The following MSRA variants were observed in gnomAD, a reference collection of about 807,000 sequenced individuals.
The protein encoded by MSRA is mitochondrial peptide methionine sulfoxide reductase.
In MSRA, 54 loss-of-function variants were observed where a neutral mutation model predicts 31.3. That is an observed-to-expected ratio of 1.73 (90% CI 1.39 to 2.17). The LOEUF (loss-of-function observed/expected upper bound fraction) is 2.17. Among genes scored for constraint, MSRA ranks in the 30% most tolerant of loss-of-function variants. The pLI, the probability that MSRA is intolerant of heterozygous loss-of-function variation, is 0.00. For synonymous variants in MSRA, 169 were observed against 116.5 expected, an observed-to-expected ratio of 1.45 and a Z score of -2.90; for missense variants, 507 against 300.9, an observed-to-expected ratio of 1.69 and a Z score of -5.07.
chr8:10,124,670 T>C (rs1801373983), intron 1 of MSRA, among the ~76,000 whole-genome samples: 1 of 152,226 alleles, frequency 6.6e-6, no homozygotes, highest in Admixed American at 6.5e-5. Context: ...ATAGTATGCC[T>C]TGCCATTTCA....
At chr8:10,328,688 T>C (rs142937044) in intron 5 of MSRA, among the ~76,000 whole-genome samples, 9 of 152,338 alleles carry the variant, frequency 5.9e-5, no homozygotes, top group Non-Finnish European at 1.3e-4. Context: ...CTGTAACTTC[T>C]AATCAGAGAG....
chr8:10,372,214 T>G (rs1341713197), intron 5 of MSRA, among the ~76,000 whole-genome samples: 1 of 152,178 alleles, frequency 6.6e-6, no homozygotes, highest in African/African-American at 2.4e-5. Flanking sequence ...TGGGTGTCAT[T>G]GGCCCTGCTG....
chr8:10,274,869 A>G (rs969943832), intron 3 of MSRA, among the ~76,000 whole-genome samples: 1 of 152,088 alleles, frequency 6.6e-6, no homozygotes, highest in Non-Finnish European at 1.5e-5. Context: ...CTACCCACCC[A>G]TTCAGCCAAC....
At chr8:10,398,006 A>G (rs947087412) in intron 5 of MSRA, among the ~76,000 whole-genome samples, 1 of 152,230 alleles carries the variant, frequency 6.6e-6, no homozygotes, top group African/African-American at 2.4e-5. Flanking sequence ...GCATTGATTC[A>G]GCACAAGTAA....
intron 5 of MSRA, among the ~76,000 whole-genome samples, chr8:10,425,074 C>T (rs1809057964): frequency 6.6e-6 from 1 of 152,192 alleles, no homozygotes; most frequent in South Asian, 2.1e-4. Flanking sequence ...ATGTGACCTT[C>T]CGTGGTCCCT....
intron 3 of MSRA, among the ~76,000 whole-genome samples, chr8:10,254,153 G>T (rs948474957): frequency 6.6e-6 from 1 of 152,108 alleles, no homozygotes; most frequent in South Asian, 2.1e-4. Flanking sequence ...GTCTCTCAGG[G>T]AATGCCGAGG....
chr8:10,128,237 G>T (rs1020521646), intron 1 of MSRA, among the ~76,000 whole-genome samples: 13 of 152,214 alleles, frequency 8.5e-5, no homozygotes, highest in African/African-American at 3.1e-4. Flanking sequence ...ACATTAGCCA[G>T]GCGTGGTGGT....
intron 1 of MSRA, among the ~76,000 whole-genome samples, chr8:10,130,963 T>C (rs756113950): frequency 1.3e-5 from 2 of 152,184 alleles, no homozygotes; most frequent in Non-Finnish European, 2.9e-5. Context: ...CAGTGTGCTT[T>C]TATTAGCAAG....
chr8:10,283,143 C>CAG (rs1799714678), intron 3 of MSRA, among the ~76,000 whole-genome samples: 1 of 143,828 alleles, frequency 7.0e-6, no homozygotes, highest in South Asian at 2.3e-4. Flanking sequence ...CACACACACA[C>CAG]ACACACACAC....
At chr8:10,274,462 G>T (rs1407336631) in intron 3 of MSRA, among the ~76,000 whole-genome samples, 1 of 152,114 alleles carries the variant, frequency 6.6e-6, no homozygotes, top group Non-Finnish European at 1.5e-5. Flanking sequence ...TGAAGCTGAG[G>T]CTAGGGTGAT....
At chr8:10,169,227 G>A (rs1585081478) in intron 1 of MSRA, among the ~76,000 whole-genome samples, 1 of 152,172 alleles carries the variant, frequency 6.6e-6, no homozygotes, top group African/African-American at 2.4e-5. Flanking sequence ...GCCAGCTGAA[G>A]AATTTACACA....
intron 3 of MSRA, chr8:10,250,406 T>A: frequency 1.4e-6 from 1 of 702,258 alleles, no homozygotes; most frequent in Non-Finnish European, 2.6e-6. Context: ...TAATATCTTT[T>A]CATATTTTGC....
chr8:10,333,154 A>C (rs1427497936), intron 5 of MSRA, among the ~76,000 whole-genome samples: 2 of 152,198 alleles, frequency 1.3e-5, no homozygotes, highest in Non-Finnish European at 2.9e-5. Context: ...ACATAGGGTG[A>C]TGTTTGAATG....
chr8:10,126,500 G>C (rs1031813355), intron 1 of MSRA, among the ~76,000 whole-genome samples: 3 of 152,026 alleles, frequency 2.0e-5, no homozygotes, highest in Non-Finnish European at 4.4e-5. Flanking sequence ...TCAGGCATTA[G>C]TTAGATTTTC....
chr8:10,218,186 G>A (rs1428222489), intron 2 of MSRA, among the ~76,000 whole-genome samples: 1 of 151,016 alleles, frequency 6.6e-6, no homozygotes. Flanking sequence ...TCACTCTGTT[G>A]CCGAGGCTGG....
chr8:10,298,164 A>G (rs1800645000), intron 3 of MSRA, among the ~76,000 whole-genome samples: 1 of 152,232 alleles, frequency 6.6e-6, no homozygotes, highest in African/African-American at 2.4e-5. Flanking sequence ...GTTGTGAGCA[A>G]TGTTTGTATG....
intron 3 of MSRA, among the ~76,000 whole-genome samples, chr8:10,262,624 C>T (rs1275619547): frequency 6.6e-6 from 1 of 152,146 alleles, no homozygotes; most frequent in Non-Finnish European, 1.5e-5. Context: ...AGATATGTGA[C>T]TTGAGAATGT....
At chr8:10,198,591 C>G (rs751172761) in intron 1 of MSRA, among the ~76,000 whole-genome samples, 5 of 152,090 alleles carry the variant, frequency 3.3e-5, no homozygotes, top group Non-Finnish European at 5.9e-5. Context: ...ATTGCAGTGA[C>G]TAGGTCGAAG....
At chr8:10,153,542 G>A (rs1045785635) in intron 1 of MSRA, among the ~76,000 whole-genome samples, 3 of 151,944 alleles carry the variant, frequency 2.0e-5, no homozygotes, top group Non-Finnish European at 2.9e-5. Context: ...TTTTAAGACC[G>A]ACAGTGGCAT....
Sources: gnomAD v4.1 joint callset for allele counts (sites outside exome capture counted in the v4.1 genomes callset) on GRCh38, gnomAD v4.1.1 for gene constraint, MANE v1.5 for transcripts, NCBI Gene and HGNC (gene_info 2026-07-23, HGNC 2026-07-21) for gene names.